Variants in LURAP1 observed in about 807,000 individuals in gnomAD.
The protein encoded by LURAP1 is NF-kappa-B activator C1orf190.
LURAP1 carries 14 observed loss-of-function variants against 19.0 expected under a neutral mutation model. That is an observed-to-expected ratio of 0.74 (90% CI 0.49 to 1.15). The LOEUF (loss-of-function observed/expected upper bound fraction) is 1.15. Ranked by LOEUF, LURAP1 falls within the 50% of genes most tolerant of loss-of-function variation. LURAP1 has a pLI of 0.00. For missense variants in LURAP1, 273 were observed against 309.1 expected, an observed-to-expected ratio of 0.88 and a Z score of 0.87; for synonymous variants, 129 against 131.8, an observed-to-expected ratio of 0.98 and a Z score of 0.14.
In LURAP1 at chr1:46,215,170, A is replaced by G. The variant is rs144368187; in HGVS notation, c.199-4529A>G. 7.9e-3 allele frequency among the ~76,000 whole-genome samples: 1,193 copies of G among 150,988 alleles called. 19 individuals are homozygous for G. The highest frequency in any genetic ancestry group is 0.037 in the Middle Eastern group (11 of 294). On this transcript the variant is annotated intron_variant, in intron 1 of 1. Coordinates refer to ENST00000371980, the MANE Select transcript of LURAP1 (RefSeq NM_001013615.3). ...GAACCCGGGAGGTGGAGCTTGCAGT[A>G]AGCCAAGATCGCACCATTGCACTCT...
intron 1 of LURAP1, among the ~76,000 whole-genome samples, chr1:46,215,561 G>C (rs953465840): frequency 1.2e-4 from 18 of 152,144 alleles, no homozygotes; most frequent in African/African-American, 4.3e-4. Context: ...AAAGGATCAG[G>C]GATTGGAATG....
At position 46,205,370 on chromosome 1, in the gene LURAP1, A is replaced by G. The variant is rs1020833849; in HGVS notation, c.198+1746A>G. Among the ~76,000 whole-genome samples the G allele has an allele frequency of 4.6e-5, 7 of 152,194 alleles. No homozygotes were observed. The South Asian group carries it at 6.2e-4, about 14-fold the overall frequency. On this transcript the variant is annotated intron_variant, in intron 1 of 1. Transcript: ENST00000371980. The stretch of plus-strand genomic sequence containing the variant: ...GTTTAATAACTGCCCAACATCACGC[A>G]AAAAGCAGGGCCATGATTTGAACCC...
chr1:46,204,769 C>G (rs555883996), intron 1 of LURAP1, among the ~76,000 whole-genome samples: 1 of 152,142 alleles, frequency 6.6e-6, no homozygotes, highest in African/African-American at 2.4e-5. Context: ...TGTGACTGTA[C>G]CCACCTAAGC....
chr1:46,209,386 G>A (rs1034078932), intron 1 of LURAP1, among the ~76,000 whole-genome samples: 4 of 152,076 alleles, frequency 2.6e-5, no homozygotes, highest in Admixed American at 1.3e-4. Flanking sequence ...AGGTATTTCT[G>A]GAACTGGGGG....
intron 1 of LURAP1, among the ~76,000 whole-genome samples, chr1:46,210,856 C>A (rs140079551): frequency 6.6e-6 from 1 of 152,152 alleles, no homozygotes; most frequent in Non-Finnish European, 1.5e-5. Context: ...CTCACTGCAG[C>A]CTGTACTTCT....
intron 1 of LURAP1, among the ~76,000 whole-genome samples, chr1:46,204,727 G>A (rs1658659611): frequency 6.6e-6 from 1 of 152,208 alleles, no homozygotes; most frequent in Admixed American, 6.5e-5. Context: ...CTTGAAGGTT[G>A]GAGGTGAGTG....
rs570505501 is a variant in LURAP1 at position 46,219,514 on chromosome 1, C to A, written c.199-185C>A. Among the ~76,000 whole-genome samples the A allele has an allele frequency of 6.6e-5, 10 of 152,292 alleles. No homozygotes were observed. In the South Asian group the frequency reaches 1.2e-3, roughly 19 times the overall value. ...GAGGCTCAAAGAAGATATGTCTAATCAGTGGTAGAGCTGAAATGTTAGGCA... is the reference window on the plus strand; with the variant it reads ...GAGGCTCAAAGAAGATATGTCTAATAAGTGGTAGAGCTGAAATGTTAGGCA... On this transcript the variant is annotated intron_variant, in intron 1 of 1. Coordinates refer to ENST00000371980, the MANE Select transcript of LURAP1 (RefSeq NM_001013615.3).
At chr1:46,215,082 C>G (rs766571092) in intron 1 of LURAP1, among the ~76,000 whole-genome samples, 12 of 151,668 alleles carry the variant, frequency 7.9e-5, no homozygotes, top group African/African-American at 2.9e-4. Flanking sequence ...AAAAATTAGC[C>G]GGGTGTGGTG....
At chr1:46,216,043 CTTTTTTT>C (rs141982741) in intron 1 of LURAP1, among the ~76,000 whole-genome samples, 13 of 92,540 alleles carry the variant, frequency 1.4e-4, no homozygotes, top group African/African-American at 2.2e-4. Flanking sequence ...TTTATTTTAT[CTTTTTTT>C]TTTTTTTTTT....
At position 46,216,208 on chromosome 1, in the gene LURAP1, A is replaced by G. The variant is rs868851413; in HGVS notation, c.199-3491A>G. On this transcript the variant is annotated intron_variant, in intron 1 of 1. Coordinates refer to ENST00000371980, the MANE Select transcript of LURAP1 (RefSeq NM_001013615.3). Reference sequence around the variant, plus strand: ...ACTACAGGCGCCCGCCACCTCGCCCAGCTAATTTTTTGTATTTTTAGTAGA... The same window carrying G: ...ACTACAGGCGCCCGCCACCTCGCCCGGCTAATTTTTTGTATTTTTAGTAGA... Among the ~76,000 whole-genome samples the G allele has an allele frequency of 3.4e-4, 51 of 151,564 alleles. 1 individual carries two copies. In the Middle Eastern group the frequency reaches 0.034, roughly 101 times the overall value.
In LURAP1 at chr1:46,217,813, C is replaced by T. The variant is rs143350127; in HGVS notation, c.199-1886C>T. Among the ~76,000 whole-genome samples, 594 of 152,006 alleles carry T rather than the reference C, an allele frequency of 3.9e-3. 3 individuals carry two copies. Among genetic ancestry groups the T allele is most frequent in the African/African-American group, 0.013 (548 of 41,450 alleles). On this transcript the variant is annotated intron_variant, in intron 1 of 1. Transcript: ENST00000371980. ...CGGAGGTTGCAGTGAGCTAAGATGG[C>T]GCCATTGCACTCCAGCCTGGGCAAC...
In LURAP1 at chr1:46,203,621, G is replaced by A. The variant is rs772894417; in HGVS notation, c.195G>A (p.Glu65=). The change falls in exon 1 of 2, where the codon GAG becomes GAA. Residue 65 remains glutamate, a synonymous_variant. Coordinates refer to ENST00000371980, the MANE Select transcript of LURAP1 (RefSeq NM_001013615.3). The stretch of plus-strand genomic sequence containing the variant: ...ACAAGATCATGGCGCTGAAGATGGA[G>A]CTGGTGAGTGCTGAATCCATGGGCC... ...LGDKIMALKM[E]LAYLRAIDVK... is the part of the protein sequence containing the mutation. The A allele has an allele frequency of 5.6e-6, 9 of 1,601,420 alleles. 1 individual carries two copies. In the South Asian group the frequency reaches 8.9e-5, roughly 16 times the overall value.
Position 46,219,983 on chromosome 1 carries a change from A to G in LURAP1, c.483A>G (p.Pro161=). The change falls in exon 2 of 2, where the codon CCA becomes CCG. Residue 161 remains proline, a synonymous_variant. Transcript: ENST00000371980. ...CCAGCGAGCTGGATGAACAGGGCCC[A>G]CCTGGGGCTCCACGTTCCGAGATGG... The part of the protein sequence containing the change: ...VAPSELDEQG[P]PGAPRSEMDW... The G allele has an allele frequency of 6.2e-7, 1 of 1,614,224 alleles. No individual in the cohort carries two copies. Among genetic ancestry groups the G allele is most frequent in the Non-Finnish European group, 8.5e-7 (1 of 1,180,034 alleles).
At position 46,219,702 on chromosome 1, in the gene LURAP1, T is replaced by A; in HGVS notation, c.202T>A (p.Tyr68Asn). 6.3e-7 allele frequency: 1 copy of A among 1,583,416 alleles called. No homozygotes were observed. Among genetic ancestry groups the A allele is most frequent in the Non-Finnish European group, 8.6e-7 (1 of 1,163,482 alleles). ...ATTCCTTCTCCCACTCCCCCAGGCT[T>A]ACCTGCGAGCCATCGATGTGAAGAT... ...KIMALKMELA[Y>N]LRAIDVKILQ... The change falls in exon 2 of 2, where the codon TAC becomes AAC. Residue 68 changes from tyrosine to asparagine, a missense_variant. Physicochemically the swap from Tyr to Asn is moderately radical, Grantham distance 143 (BLOSUM62 -2). Coordinates refer to ENST00000371980, the MANE Select transcript of LURAP1 (RefSeq NM_001013615.3).
At chr1:46,210,866 T>C (rs1469722029) in intron 1 of LURAP1, among the ~76,000 whole-genome samples, 1 of 151,972 alleles carries the variant, frequency 6.6e-6, no homozygotes, top group Non-Finnish European at 1.5e-5. Context: ...CCTGTACTTC[T>C]CTGGCTCAAT....
chr1:46,203,773 GC>G (rs1658624614), intron 1 of LURAP1, 149 bp downstream of exon 1: 1 of 730,234 alleles, frequency 1.4e-6, no homozygotes, highest in Admixed American at 3.4e-5. Flanking sequence ...ATCCGTAAAC[GC>G]TGGGGTGGAG....
At chr1:46,219,567 C>T in intron 1 of LURAP1, 132 bp from the exon 2 acceptor site, 1 of 998,200 alleles carries the variant, frequency 1.0e-6, no homozygotes, top group South Asian at 1.8e-5. Context: ...GAAGCCTACA[C>T]TGCAAGCCGT....
At chr1:46,207,427 C>T (rs536881798) in intron 1 of LURAP1, among the ~76,000 whole-genome samples, 34 of 152,056 alleles carry the variant, frequency 2.2e-4, no homozygotes, top group African/African-American at 7.7e-4. Context: ...GTCCCTTATC[C>T]TAGGAAGCAT....
intron 1 of LURAP1, among the ~76,000 whole-genome samples, chr1:46,204,160 A>G (rs1658639643): frequency 6.6e-6 from 1 of 152,164 alleles, no homozygotes; most frequent in South Asian, 2.1e-4. Flanking sequence ...CCCCAGCCCT[A>G]CTTAAAATAA....
Sources: allele counts gnomAD v4.1 joint callset (sites outside exome capture counted in the v4.1 genomes callset), GRCh38; gene constraint gnomAD v4.1.1; transcripts MANE v1.5; gene names NCBI Gene and HGNC (gene_info 2026-07-23, HGNC 2026-07-21).